NT5DC1: variants seen among roughly 807,000 people sequenced by gnomAD.
NT5DC1 encodes 5'-nucleotidase domain containing 1, also known as 5'-nucleotidase domain-containing protein 1.
In NT5DC1, 42 loss-of-function variants were observed where a neutral mutation model predicts 59.4. The observed-to-expected ratio is 0.71, with a 90% CI of 0.55 to 0.92. NT5DC1 has a LOEUF of 0.92. NT5DC1 is among the 40% of genes least tolerant of loss of function. The pLI is 0.00. For missense variants in NT5DC1, 501 were observed against 537.1 expected, an observed-to-expected ratio of 0.93 and a Z score of 0.66; for synonymous variants, 172 against 188.1, an observed-to-expected ratio of 0.91 and a Z score of 0.70.
intron 6 of NT5DC1, among the ~76,000 whole-genome samples, chr6:116,191,513 A>G (rs1781116677): frequency 1.3e-5 from 2 of 152,192 alleles, no homozygotes; most frequent in South Asian, 4.1e-4. Flanking sequence ...AATAGCCTTC[A>G]ACAATCACTG....
In NT5DC1 at chr6:116,249,181, ATACT is replaced by A. The variant is rs1372277204; in HGVS notation, c.*5160_*5163del. The A allele has an allele frequency of 2.0e-5, 3 of 151,380 alleles. No homozygotes were observed. Among genetic ancestry groups the A allele is most frequent in the East Asian group, 1.9e-4 (1 of 5,132 alleles). The allele number at this position is 151,380 out of a possible 1,614,324, so 9.4% of individuals were successfully genotyped here. A position where few individuals can be genotyped will look rare whatever the true frequency, so the allele number is the denominator to read the frequency against. The stretch of plus-strand genomic sequence containing the variant: ...TTGCAAAAGAAAACCTAGCTCTCTA[ATACT>A]TAAAGTTCTCTAGCCCTAGAAAAAA... On this transcript the variant is annotated 3_prime_UTR_variant, in exon 12 of 12. Transcript: ENST00000319550.
chr6:116,146,115 TA>T (rs1338362575), intron 6 of NT5DC1, among the ~76,000 whole-genome samples: 1 of 152,230 alleles, frequency 6.6e-6, no homozygotes, highest in African/African-American at 2.4e-5. Flanking sequence ...TGGTTACAGT[TA>T]ATACTAATGA....
At chr6:116,161,727 T>C (rs1307757308) in intron 6 of NT5DC1, among the ~76,000 whole-genome samples, 1 of 152,196 alleles carries the variant, frequency 6.6e-6, no homozygotes, top group Non-Finnish European at 1.5e-5. Context: ...ATGGGTTCCA[T>C]ATGAATTTTA....
At chr6:116,145,528 A>G (rs1356227948) in intron 6 of NT5DC1, 4 of 314,478 alleles carry the variant, frequency 1.3e-5, no homozygotes, top group South Asian at 1.1e-4. Flanking sequence ...TTATTTCATT[A>G]GAACTCCTGT....
intron 9 of NT5DC1, among the ~76,000 whole-genome samples, 164 bp from the exon 10 acceptor site, chr6:116,238,023 A>G (rs1300220921): frequency 6.6e-6 from 1 of 152,264 alleles, no homozygotes; most frequent in Admixed American, 6.5e-5. Context: ...AAATGAGACA[A>G]GTTGATGGTC....
chr6:116,229,286 C>T (rs1781963731), intron 8 of NT5DC1, among the ~76,000 whole-genome samples: 1 of 152,198 alleles, frequency 6.6e-6, no homozygotes, highest in South Asian at 2.1e-4. Context: ...TACATTCCCA[C>T]CACTGCCCGC....
chr6:116,132,511 A>G (rs557954758), intron 6 of NT5DC1, among the ~76,000 whole-genome samples: 1 of 152,116 alleles, frequency 6.6e-6, no homozygotes, highest in South Asian at 2.1e-4. Context: ...TAAGGTACAT[A>G]TGTCTTTATT....
chr6:116,110,796 A>T, intron 3 of NT5DC1, 54 bp from the exon 4 acceptor site: 3 of 1,197,022 alleles, frequency 2.5e-6, no homozygotes, highest in Non-Finnish European at 3.8e-6. Flanking sequence ...ATGATAGAGG[A>T]AGGGGCATTC....
intron 8 of NT5DC1, among the ~76,000 whole-genome samples, chr6:116,225,724 T>A (rs556844449): frequency 6.6e-6 from 1 of 152,350 alleles, no homozygotes; most frequent in East Asian, 1.9e-4. Context: ...TCTAGAATTT[T>A]AGCTCTAAAG....
intron 8 of NT5DC1, among the ~76,000 whole-genome samples, chr6:116,228,924 T>C (rs1781957731): frequency 6.6e-6 from 1 of 152,194 alleles, no homozygotes; most frequent in Non-Finnish European, 1.5e-5. Context: ...TGGGAAGCTT[T>C]TAACTATCAT....
chr6:116,166,392 T>C (rs945111211), intron 6 of NT5DC1, among the ~76,000 whole-genome samples: 7 of 152,154 alleles, frequency 4.6e-5, no homozygotes, highest in African/African-American at 1.7e-4. Flanking sequence ...TCAGTTCTAA[T>C]TAAAAACATA....
At chr6:116,125,654 G>T in intron 6 of NT5DC1, 1 of 645,634 alleles carries the variant, frequency 1.5e-6, no homozygotes, top group Non-Finnish European at 2.5e-6. Flanking sequence ...ATAAATGAGA[G>T]ATCATTTTTT....
intron 6 of NT5DC1, among the ~76,000 whole-genome samples, chr6:116,200,534 A>G (rs1214223678): frequency 6.6e-6 from 1 of 152,072 alleles, no homozygotes; most frequent in Non-Finnish European, 1.5e-5. Context: ...CTGTCCATCT[A>G]AAACTACTAA....
intron 6 of NT5DC1, among the ~76,000 whole-genome samples, chr6:116,166,377 G>T (rs914087147): frequency 2.6e-5 from 4 of 152,180 alleles, no homozygotes; most frequent in Non-Finnish European, 5.9e-5. Context: ...ATGGTGGTTG[G>T]ATATTCAGTT....
chr6:116,231,624 A>G (rs1782022539), intron 8 of NT5DC1, among the ~76,000 whole-genome samples: 2 of 152,208 alleles, frequency 1.3e-5, no homozygotes, highest in African/African-American at 4.8e-5. Flanking sequence ...AAGAAAATGA[A>G]TTGTATTTCT....
At chr6:116,218,445 T>C (rs368198594) in intron 6 of NT5DC1, among the ~76,000 whole-genome samples, 6 of 152,274 alleles carry the variant, frequency 3.9e-5, no homozygotes, top group Admixed American at 3.9e-4. Context: ...GCTTTGTTTT[T>C]CTAAGTGAAA....
intron 4 of NT5DC1, among the ~76,000 whole-genome samples, chr6:116,112,403 T>G (rs540349246): frequency 1.1e-4 from 16 of 152,350 alleles, no homozygotes; most frequent in South Asian, 8.3e-4. Flanking sequence ...TTTGTTTACG[T>G]TAAATATTAA....
chr6:116,126,075 G>A (rs924509085), intron 6 of NT5DC1: 4 of 154,704 alleles, frequency 2.6e-5, no homozygotes, highest in African/African-American at 9.6e-5. Context: ...AGTTCCTGGA[G>A]ATGGTGCCTT....
chr6:116,129,402 C>G (rs1779409451), intron 6 of NT5DC1, among the ~76,000 whole-genome samples: 1 of 152,154 alleles, frequency 6.6e-6, no homozygotes, highest in South Asian at 2.1e-4. Flanking sequence ...CTTAATGTAA[C>G]AGTTTTGGCA....
Sources: allele counts gnomAD v4.1 joint callset (sites outside exome capture counted in the v4.1 genomes callset), GRCh38; gene constraint gnomAD v4.1.1; transcripts MANE v1.5; gene names NCBI Gene and HGNC (gene_info 2026-07-23, HGNC 2026-07-21).